The following KAT2B variants were observed in gnomAD, a reference collection of about 807,000 sequenced individuals.
KAT2B encodes the protein histone acetyltransferase KAT2B.
In KAT2B, 36 loss-of-function variants were observed where a neutral mutation model predicts 105.9. The observed-to-expected ratio is 0.34, with a 90% CI of 0.26 to 0.45. The LOEUF (loss-of-function observed/expected upper bound fraction) is 0.45, where lower values mean the gene tolerates loss of function less well. KAT2B is among the 20% of genes least tolerant of loss of function. KAT2B has a pLI of 1.00. For missense variants in KAT2B, 820 were observed against 1,021.6 expected (o/e 0.80, Z 2.69); for synonymous variants, 397 against 377.9 (o/e 1.05, Z -0.59).
chr3:20,119,315 G>A (rs896280223), intron 7 of KAT2B, among the ~76,000 whole-genome samples: 9 of 144,324 alleles, frequency 6.2e-5, no homozygotes, highest in African/African-American at 1.3e-4. Flanking sequence ...CCATAACTCC[G>A]TCCTTATTTC....
rs763980181 is a variant in KAT2B, at chr3:20,101,317, A to G, written c.700A>G (p.Ser234Gly). 9 of 1,614,072 alleles carry G rather than the reference A, an allele frequency of 5.6e-6. No individual in the cohort carries two copies. The highest frequency in any genetic ancestry group is 8.5e-7 in the Non-Finnish European group (1 of 1,179,980). The change falls in exon 5 of 18, where the codon AGT becomes GGT. Residue 234 changes from serine to glycine, a missense_variant. Ser to Gly is a moderately conservative substitution (Grantham distance 56, BLOSUM62 0). Transcript: ENST00000263754. ...GAATAACTTTGTGCAGTACAAATTT[A>G]GTCACCTGCCAGCAAAAGAAAGGCA... ...GVNNFVQYKF[S>G]HLPAKERQTI...
At chr3:20,106,437 G>A (rs1393954620) in intron 5 of KAT2B, among the ~76,000 whole-genome samples, 1 of 98,468 alleles carries the variant, frequency 1.0e-5, no homozygotes, top group Non-Finnish European at 2.0e-5. Flanking sequence ...AACACCAGAA[G>A]TACACACACA....
intron 2 of KAT2B, among the ~76,000 whole-genome samples, chr3:20,085,358 C>T (rs890620674): frequency 2.0e-5 from 3 of 152,102 alleles, no homozygotes; most frequent in Non-Finnish European, 4.4e-5. Flanking sequence ...AAAAAGATGA[C>T]CCAGCAAATG....
At chr3:20,091,590 A>G (rs754867626) in intron 2 of KAT2B, among the ~76,000 whole-genome samples, 3 of 151,816 alleles carry the variant, frequency 2.0e-5, no homozygotes, top group Non-Finnish European at 2.9e-5. Flanking sequence ...TAGGTTGTTC[A>G]TTTGAGATCT....
chr3:20,138,922 C>T (rs1323798112), intron 12 of KAT2B, among the ~76,000 whole-genome samples: 1 of 152,088 alleles, frequency 6.6e-6, no homozygotes, highest in East Asian at 1.9e-4. Flanking sequence ...GAGACAGGGT[C>T]TTACACTGTC....
chr3:20,097,097 G>C (rs1322768695), intron 3 of KAT2B, among the ~76,000 whole-genome samples: 6 of 152,130 alleles, frequency 3.9e-5, no homozygotes, highest in Non-Finnish European at 5.9e-5. Context: ...GAGTCATTCA[G>C]CTCGAACCCT....
At chr3:20,049,166 C>T (rs1020681593) in intron 1 of KAT2B, among the ~76,000 whole-genome samples, 7 of 152,172 alleles carry the variant, frequency 4.6e-5, no homozygotes, top group South Asian at 2.1e-4. Context: ...GGCCGGGCAT[C>T]GCCTTAACTG....
At chr3:20,042,509 T>C (rs1170639862) in intron 1 of KAT2B, among the ~76,000 whole-genome samples, 5 of 152,180 alleles carry the variant, frequency 3.3e-5, no homozygotes, top group Admixed American at 6.5e-5. Context: ...AAAGAACTTA[T>C]GTAATCAAAC....
At chr3:20,067,326 C>CT (rs879470175) in intron 1 of KAT2B, among the ~76,000 whole-genome samples, 121 of 145,990 alleles carry the variant, frequency 8.3e-4, no homozygotes, top group Admixed American at 9.0e-4. Flanking sequence ...CAAGATGTAA[C>CT]TTTTTTTTTT....
intron 2 of KAT2B, 22 bp from the exon 3 acceptor site, chr3:20,095,241 G>C: frequency 6.2e-7 from 1 of 1,600,466 alleles, no homozygotes; most frequent in Non-Finnish European, 8.5e-7. Context: ...TCTTACATAT[G>C]TTTCTTTGAT....
At chr3:20,127,631 C>A in intron 11 of KAT2B, 82 bp downstream of exon 11, 1 of 1,333,152 alleles carries the variant, frequency 7.5e-7, no homozygotes, top group South Asian at 1.3e-5. Context: ...GAAGATCTCT[C>A]TGTGCCATGT....
chr3:20,150,841 CTTCT>C (rs1328064827), intron 17 of KAT2B, among the ~76,000 whole-genome samples: 2 of 152,036 alleles, frequency 1.3e-5, no homozygotes, highest in Admixed American at 6.6e-5. Context: ...TTTGGACAAA[CTTCT>C]TTGTGTCGTG....
intron 1 of KAT2B, among the ~76,000 whole-genome samples, chr3:20,070,537 C>G (rs979099054): frequency 2.7e-5 from 4 of 150,724 alleles, no homozygotes; most frequent in African/African-American, 9.7e-5. Context: ...ATCTCCTGAC[C>G]TCGTGATCCG....
intron 1 of KAT2B, among the ~76,000 whole-genome samples, chr3:20,048,974 G>C (rs1007827059): frequency 6.7e-6 from 1 of 149,582 alleles, no homozygotes; most frequent in African/African-American, 2.4e-5. Flanking sequence ...TGATTCTCCT[G>C]CCTCAGCCTT....
chr3:20,058,562 G>A (rs2929398), intron 1 of KAT2B, among the ~76,000 whole-genome samples: 129,509 of 151,860 alleles, frequency 0.85, 55,494 homozygotes, highest in East Asian at 0.97. Flanking sequence ...ATCCCAGGCA[G>A]TTTTGTTCTC....
intron 11 of KAT2B, among the ~76,000 whole-genome samples, chr3:20,135,425 C>T (rs77271589): frequency 0.03 from 4,520 of 152,136 alleles, 197 homozygotes; most frequent in East Asian, 0.22. Context: ...GAGGCCGAGA[C>T]GGGCAGATCA....
At chr3:20,051,802 A>G (rs1320020629) in intron 1 of KAT2B, among the ~76,000 whole-genome samples, 1 of 152,238 alleles carries the variant, frequency 6.6e-6, no homozygotes, top group African/African-American at 2.4e-5. Flanking sequence ...CATTTGAACC[A>G]TCCACTTATA....
At position 20,150,204 on chromosome 3, in the gene KAT2B, G is replaced by A. The variant is rs548884594; in HGVS notation, c.2305+1717G>A. Reference sequence around the variant, plus strand: ...CTGGACAAAGTTAAAGCTATAAATGGTGTTCTTCAGTAGGGCAGTATTTTT... The same window carrying A: ...CTGGACAAAGTTAAAGCTATAAATGATGTTCTTCAGTAGGGCAGTATTTTT... On this transcript the variant is annotated intron_variant, in intron 17 of 17. Coordinates refer to ENST00000263754, the MANE Select transcript of KAT2B (RefSeq NM_003884.5). Among the ~76,000 whole-genome samples the A allele has an allele frequency of 3.3e-5, 5 of 152,286 alleles. No individual in the cohort carries two copies. The East Asian group carries it at 9.6e-4, about 29-fold the overall frequency.
intron 12 of KAT2B, 146 bp from the exon 13 acceptor site, chr3:20,140,075 G>C: frequency 1.9e-6 from 1 of 515,244 alleles, no homozygotes; most frequent in Non-Finnish European, 3.5e-6. Flanking sequence ...TTCATGGGTG[G>C]TTTTAAGCTA....
Sources: allele counts gnomAD v4.1 joint callset (sites outside exome capture counted in the v4.1 genomes callset), GRCh38; gene constraint gnomAD v4.1.1; transcripts MANE v1.5; gene names NCBI Gene and HGNC (gene_info 2026-07-23, HGNC 2026-07-21).